Variants in CDKL4 observed in about 807,000 individuals in gnomAD.
CDKL4 encodes the protein cyclin-dependent kinase-like 4.
A neutral mutation model predicts 42.0 loss-of-function variants in CDKL4; 44 were observed. That is an observed-to-expected ratio of 1.05 (90% confidence interval 0.82 to 1.35). The LOEUF (loss-of-function observed/expected upper bound fraction) is 1.35, where lower values mean the gene tolerates loss of function less well. Among genes scored for constraint, CDKL4 ranks in the 40% most tolerant of loss-of-function variants. The pLI is 0.00. For missense variants in CDKL4, 393 were observed against 369.9 expected, an observed-to-expected ratio of 1.06 and a Z score of -0.51; for synonymous variants, 120 against 121.6, an observed-to-expected ratio of 0.99 and a Z score of 0.09.
chr2:39,201,157 T>C (rs1432264597), intron 5 of CDKL4, among the ~76,000 whole-genome samples: 1 of 151,796 alleles, frequency 6.6e-6, no homozygotes, highest in African/African-American at 2.4e-5. Flanking sequence ...GCTAAGGACA[T>C]GAATAGACAT....
At position 39,192,184 on chromosome 2, in the gene CDKL4, T is replaced by C. The variant is rs112560147; in HGVS notation, c.455-1682A>G. Among the ~76,000 whole-genome samples the C allele has an allele frequency of 3.0e-3, 458 of 152,338 alleles. 5 individuals carry two copies. The highest frequency in any genetic ancestry group is 0.011 in the African/African-American group (438 of 41,586). ...CTATTCACAGGATAAGTCAGCTGTT[T>C]TATTTGTTTGGAACATTTTTCGACT... On this transcript the variant is annotated intron_variant, in intron 5 of 9. Transcript: ENST00000451199.
At chr2:39,196,909 A>G (rs959845827) in intron 5 of CDKL4, among the ~76,000 whole-genome samples, 4 of 152,164 alleles carry the variant, frequency 2.6e-5, no homozygotes, top group African/African-American at 9.7e-5. Context: ...GCCTGGCCCA[A>G]AACAAGGTTC....
At chr2:39,221,997 G>A (rs1475302307) in intron 3 of CDKL4, among the ~76,000 whole-genome samples, 1 of 152,156 alleles carries the variant, frequency 6.6e-6, no homozygotes, top group East Asian at 1.9e-4. Flanking sequence ...TTGAGGGCAG[G>A]ACTGTATCAT....
At chr2:39,201,396 T>C (rs1379936701) in intron 5 of CDKL4, among the ~76,000 whole-genome samples, 1 of 151,244 alleles carries the variant, frequency 6.6e-6, no homozygotes, top group Non-Finnish European at 1.5e-5. Context: ...ACAACCACTA[T>C]GAAAAACAGT....
chr2:39,223,576 C>T (rs541315736), intron 3 of CDKL4, among the ~76,000 whole-genome samples: 4 of 134,576 alleles, frequency 3.0e-5, no homozygotes, highest in African/African-American at 1.2e-4. Context: ...TGGTCATTTC[C>T]TTCTCTTTTT....
chr2:39,228,963 G>C (rs1378339471), intron 2 of CDKL4, among the ~76,000 whole-genome samples: 6 of 152,108 alleles, frequency 3.9e-5, no homozygotes, highest in African/African-American at 1.2e-4. Context: ...AGGAACCAAC[G>C]CATGTCGATG....
chr2:39,191,279 G>A (rs555153363), intron 5 of CDKL4, among the ~76,000 whole-genome samples: 5 of 152,108 alleles, frequency 3.3e-5, no homozygotes, highest in East Asian at 1.9e-4. Flanking sequence ...CATGCTTGTC[G>A]TCCTAGCTAC....
chr2:39,172,275 G>C (rs1469857775), downstream of CDKL4, among the ~76,000 whole-genome samples: 2 of 151,230 alleles, frequency 1.3e-5, no homozygotes, highest in Admixed American at 1.3e-4. Context: ...TTGCGCCATT[G>C]CATTCCAGCC....
chr2:39,221,044 G>T (rs575999267), intron 3 of CDKL4, among the ~76,000 whole-genome samples: 17 of 114,860 alleles, frequency 1.5e-4, no homozygotes, highest in African/African-American at 5.5e-4. Flanking sequence ...ACAGAGTCTC[G>T]CTCTTGTCGC....
intron 5 of CDKL4, among the ~76,000 whole-genome samples, chr2:39,193,521 A>G (rs993037042): frequency 4.6e-5 from 7 of 151,868 alleles, no homozygotes; most frequent in African/African-American, 1.7e-4. Context: ...GATTACAGAC[A>G]TGCGCCAACA....
intron 4 of CDKL4, among the ~76,000 whole-genome samples, chr2:39,210,295 A>C (rs558204875): frequency 6.6e-6 from 1 of 152,180 alleles, no homozygotes; most frequent in Non-Finnish European, 1.5e-5. Flanking sequence ...CTAGCCTGAA[A>C]AATTACCTAT....
intron 3 of CDKL4, among the ~76,000 whole-genome samples, chr2:39,215,270 G>A (rs1677846451): frequency 6.6e-6 from 1 of 151,814 alleles, no homozygotes; most frequent in African/African-American, 2.4e-5. Context: ...CACCCTTATT[G>A]GATACTACAT....
intron 5 of CDKL4, among the ~76,000 whole-genome samples, chr2:39,193,415 G>A (rs1275803097): frequency 2.0e-5 from 3 of 150,710 alleles, no homozygotes; most frequent in Non-Finnish European, 4.4e-5. Flanking sequence ...CGCTCTTATT[G>A]TCCAGGCTGG....
At chr2:39,194,264 C>T (rs562720285) in intron 5 of CDKL4, among the ~76,000 whole-genome samples, 1 of 152,256 alleles carries the variant, frequency 6.6e-6, no homozygotes, top group Non-Finnish European at 1.5e-5. Context: ...CGAGATGAGC[C>T]TGGGCCCCAT....
intron 1 of CDKL4, among the ~76,000 whole-genome samples, chr2:39,236,089 C>T (rs1162352583): frequency 7.2e-6 from 1 of 138,516 alleles, no homozygotes; most frequent in Non-Finnish European, 1.5e-5. Flanking sequence ...GACAATGACT[C>T]AATGAAGAGG....
At chr2:39,216,784 A>T (rs970968876) in intron 3 of CDKL4, among the ~76,000 whole-genome samples, 1 of 152,202 alleles carries the variant, frequency 6.6e-6, no homozygotes, top group Non-Finnish European at 1.5e-5. Context: ...GCTAGGATTG[A>T]GAAACTGCAA....
chr2:39,229,316 T>C (rs1678950710), intron 2 of CDKL4, 49 bp downstream of exon 2: 2 of 1,310,580 alleles, frequency 1.5e-6, no homozygotes, highest in African/African-American at 3.0e-5. Context: ...TTAACATGCA[T>C]ATTTCACTCA....
At chr2:39,217,037 G>C (rs1677965638) in intron 3 of CDKL4, among the ~76,000 whole-genome samples, 1 of 152,080 alleles carries the variant, frequency 6.6e-6, no homozygotes, top group Non-Finnish European at 1.5e-5. Context: ...CAACACCACA[G>C]ATCGTGCAAA....
At chr2:39,194,992 A>G (rs747142020) in intron 5 of CDKL4, among the ~76,000 whole-genome samples, 6 of 152,128 alleles carry the variant, frequency 3.9e-5, no homozygotes, top group Admixed American at 6.6e-5. Flanking sequence ...CCCAGCCCTG[A>G]TAACCACTAT....
Sources: gnomAD v4.1 joint callset for allele counts (sites outside exome capture counted in the v4.1 genomes callset) on GRCh38, gnomAD v4.1.1 for gene constraint, MANE v1.5 for transcripts, NCBI Gene and HGNC (gene_info 2026-07-23, HGNC 2026-07-21) for gene names.